CDH13: variants seen among roughly 807,000 people sequenced by gnomAD.
The protein encoded by CDH13 is cadherin 13.
A neutral mutation model predicts 63.8 loss-of-function variants in CDH13; 24 were observed. The observed-to-expected ratio is 0.38, with a 90% CI of 0.27 to 0.53. CDH13 has a LOEUF of 0.53. Ranked by LOEUF, CDH13 falls within the 20% of genes least tolerant of loss-of-function variation. CDH13 has a pLI of 0.85. For synonymous variants in CDH13, 503 were observed against 355.3 expected, an observed-to-expected ratio of 1.42 and a Z score of -4.67; for missense variants, 1,049 against 903.1, an observed-to-expected ratio of 1.16 and a Z score of -2.07.
intron 3 of CDH13, among the ~76,000 whole-genome samples, chr16:83,046,847 T>C (rs1917833014): frequency 6.6e-6 from 1 of 152,166 alleles, no homozygotes; most frequent in Admixed American, 6.5e-5. Flanking sequence ...GAAGGGAGGA[T>C]TGTGAAATCC....
intron 6 of CDH13, among the ~76,000 whole-genome samples, chr16:83,447,210 T>G (rs1236216410): frequency 7.0e-6 from 1 of 142,482 alleles, no homozygotes; most frequent in Non-Finnish European, 1.5e-5. Flanking sequence ...AGGTCAGGAG[T>G]TCGAGACCAG....
intron 5 of CDH13, among the ~76,000 whole-genome samples, chr16:83,341,989 C>CCACACACACA (rs756844839): frequency 0.075 from 10,353 of 137,752 alleles, 480 homozygotes; most frequent in Admixed American, 0.11. Flanking sequence ...GTGTCCCCTG[C>CCACACACACA]CACACACACA....
At chr16:83,295,803 C>T (rs1001361543) in intron 5 of CDH13, among the ~76,000 whole-genome samples, 49 of 152,080 alleles carry the variant, frequency 3.2e-4, no homozygotes, top group Admixed American at 3.2e-3. Flanking sequence ...TATGATTCAA[C>T]AATCTCACTA....
chr16:83,294,544 C>A (rs750547976), intron 5 of CDH13, among the ~76,000 whole-genome samples: 1 of 151,928 alleles, frequency 6.6e-6, no homozygotes, highest in Non-Finnish European at 1.5e-5. Flanking sequence ...CAGGTTCATC[C>A]ATGTTGTCAC....
intron 5 of CDH13, among the ~76,000 whole-genome samples, chr16:83,260,066 G>GC (rs1465088509): frequency 2.1e-5 from 3 of 140,370 alleles, no homozygotes; most frequent in African/African-American, 7.9e-5. Flanking sequence ...GTATATAATA[G>GC]TTTTTTTTTT....
At chr16:83,652,709 C>A (rs1352787553) in intron 8 of CDH13, among the ~76,000 whole-genome samples, 2 of 152,136 alleles carry the variant, frequency 1.3e-5, no homozygotes, top group African/African-American at 4.8e-5. Context: ...AAAGGAGCAA[C>A]CCAAGGGCTA....
chr16:83,479,867 T>G (rs999324340), intron 6 of CDH13, among the ~76,000 whole-genome samples: 1 of 152,222 alleles, frequency 6.6e-6, no homozygotes, highest in Admixed American at 6.5e-5. Flanking sequence ...AGATACACGG[T>G]ATTCTATAGA....
intron 1 of CDH13, among the ~76,000 whole-genome samples, chr16:82,731,631 T>C (rs1376292395): frequency 6.6e-6 from 1 of 152,240 alleles, no homozygotes; most frequent in Non-Finnish European, 1.5e-5. Flanking sequence ...GCAATCAACA[T>C]TGATATGGGA....
At chr16:83,218,205 G>A (rs1027041893) in intron 5 of CDH13, among the ~76,000 whole-genome samples, 3 of 152,178 alleles carry the variant, frequency 2.0e-5, no homozygotes, top group African/African-American at 4.8e-5. Context: ...TTTGAAGTGA[G>A]AAGATACTAT....
At chr16:82,904,287 T>C (rs1056690464) in intron 2 of CDH13, among the ~76,000 whole-genome samples, 5 of 152,336 alleles carry the variant, frequency 3.3e-5, no homozygotes, top group Non-Finnish European at 7.3e-5. Flanking sequence ...GAAATGTTTT[T>C]TGGAAATCCT....
chr16:83,728,151 A>G (rs1278118224), intron 10 of CDH13, among the ~76,000 whole-genome samples: 2 of 152,194 alleles, frequency 1.3e-5, no homozygotes, highest in African/African-American at 2.4e-5. Flanking sequence ...GGCAGGCTTC[A>G]GAGCCACACA....
chr16:83,127,014 G>T (rs1329565837), intron 4 of CDH13, among the ~76,000 whole-genome samples: 2 of 152,182 alleles, frequency 1.3e-5, no homozygotes, highest in Non-Finnish European at 2.9e-5. Context: ...ATGGCTGGTT[G>T]GAGGTACTGA....
chr16:82,793,064 T>C (rs1364309507), intron 1 of CDH13, among the ~76,000 whole-genome samples: 1 of 152,198 alleles, frequency 6.6e-6, no homozygotes, highest in Non-Finnish European at 1.5e-5. Context: ...TATTCACAGA[T>C]GGCTAAGTTA....
intron 2 of CDH13, among the ~76,000 whole-genome samples, chr16:82,925,254 G>A: frequency 1.3e-5 from 2 of 152,264 alleles, no homozygotes; most frequent in East Asian, 3.9e-4. Flanking sequence ...TAGAGAAATG[G>A]CCCAGAGAGG....
intron 3 of CDH13, among the ~76,000 whole-genome samples, chr16:83,059,928 G>T (rs2031371160): frequency 1.3e-5 from 2 of 151,418 alleles, no homozygotes; most frequent in African/African-American, 2.4e-5. Flanking sequence ...CGAGTAGCTG[G>T]GACTACAGGT....
At chr16:82,804,708 T>G (rs897837757) in intron 1 of CDH13, among the ~76,000 whole-genome samples, 6 of 152,172 alleles carry the variant, frequency 3.9e-5, no homozygotes, top group Admixed American at 1.3e-4. Flanking sequence ...TCCCTTGGTA[T>G]GTAGCAACTT....
At chr16:83,096,444 C>A (rs1027832875) in intron 3 of CDH13, among the ~76,000 whole-genome samples, 2 of 152,288 alleles carry the variant, frequency 1.3e-5, no homozygotes, top group Admixed American at 6.5e-5. Context: ...GGAAGGTATC[C>A]TCTCTGTACC....
chr16:82,912,484 A>T lies in CDH13; in HGVS notation c.157+54011A>T, dbSNP rs16958845. Among the ~76,000 whole-genome samples, 1,085 of 152,308 alleles carry T rather than the reference A, an allele frequency of 7.1e-3. 29 individuals are homozygous for T. Among genetic ancestry groups the T allele is most frequent in the East Asian group, 0.018 (91 of 5,188 alleles). On this transcript the variant is annotated intron_variant, in intron 2 of 13. Transcript: ENST00000567109. ...ACTGGGGTCTTCCCAGCTGGTGTAAAACCCTCTTCTAGGTCAAAACATTTC... is the reference window on the plus strand; with the variant it reads ...ACTGGGGTCTTCCCAGCTGGTGTAATACCCTCTTCTAGGTCAAAACATTTC...
chr16:83,428,983 A>C (rs982475739), intron 6 of CDH13, among the ~76,000 whole-genome samples: 1 of 152,228 alleles, frequency 6.6e-6, no homozygotes, highest in Non-Finnish European at 1.5e-5. Flanking sequence ...AAGGGGCACA[A>C]ATATCTTCTC....
Sources: gnomAD v4.1 joint callset for allele counts (sites outside exome capture counted in the v4.1 genomes callset) on GRCh38, gnomAD v4.1.1 for gene constraint, MANE v1.5 for transcripts, NCBI Gene and HGNC (gene_info 2026-07-23, HGNC 2026-07-21) for gene names.